The following RABGAP1L variants were observed in gnomAD, a reference collection of about 807,000 sequenced individuals.
The protein encoded by RABGAP1L is RAB GTPase activating protein 1 like.
Under a neutral mutation model 137.7 loss-of-function variants are expected in RABGAP1L, and 63 were observed. The ratio of observed to expected loss-of-function variants is 0.46; its 90% CI spans 0.37 to 0.56. The LOEUF is 0.56. Among genes scored for constraint, RABGAP1L ranks in the 20% least tolerant of loss-of-function variants. The probability of loss-of-function intolerance (pLI) is 0.00; values close to 1 mark genes in which losing one functional copy is unlikely to be tolerated. For synonymous variants in RABGAP1L, 431 were observed against 433.7 expected, an observed-to-expected ratio of 0.99 and a Z score of 0.08; for missense variants, 1,095 against 1,244.0, an observed-to-expected ratio of 0.88 and a Z score of 1.80.
intron 13 of RABGAP1L, among the ~76,000 whole-genome samples, chr1:174,431,322 A>C (rs941161232): frequency 6.6e-6 from 1 of 152,198 alleles, no homozygotes; most frequent in African/African-American, 2.4e-5. Context: ...TGATATAAAA[A>C]ATTTAATTTC....
chr1:174,600,767 G>A (rs1379756155), intron 13 of RABGAP1L, among the ~76,000 whole-genome samples: 3 of 152,202 alleles, frequency 2.0e-5, no homozygotes, highest in Admixed American at 2.0e-4. Flanking sequence ...ACAGGCTGGT[G>A]TTTAGTGTCT....
At chr1:174,332,611 G>C (rs1452233836) in intron 11 of RABGAP1L, among the ~76,000 whole-genome samples, 2 of 152,006 alleles carry the variant, frequency 1.3e-5, no homozygotes, top group African/African-American at 2.4e-5. Context: ...GGCCAGGCTG[G>C]TCTCGTACTC....
At chr1:174,647,137 A>G (rs1169709085) in intron 14 of RABGAP1L, among the ~76,000 whole-genome samples, 2 of 152,088 alleles carry the variant, frequency 1.3e-5, no homozygotes, top group South Asian at 2.1e-4. Context: ...TAAATATATA[A>G]TCATGTCATC....
intron 19 of RABGAP1L, among the ~76,000 whole-genome samples, chr1:174,868,155 C>T (rs1651607186): frequency 6.6e-6 from 1 of 151,808 alleles, no homozygotes; most frequent in Non-Finnish European, 1.5e-5. Flanking sequence ...GATGAGGTTT[C>T]ACCATGTTGG....
At chr1:174,567,996 G>A (rs1225459135) in intron 13 of RABGAP1L, among the ~76,000 whole-genome samples, 2 of 152,090 alleles carry the variant, frequency 1.3e-5, no homozygotes, top group African/African-American at 4.8e-5. Context: ...TGATATAAAG[G>A]AATACCTGAA....
intron 14 of RABGAP1L, among the ~76,000 whole-genome samples, chr1:174,644,286 C>T (rs1051236059): frequency 9.9e-5 from 15 of 151,982 alleles, no homozygotes; most frequent in Non-Finnish European, 2.2e-4. Context: ...GTCTTAGTCC[C>T]TAAGAGCTTT....
At chr1:174,927,205 GGTTAATA>G (rs1487826161) in intron 19 of RABGAP1L, among the ~76,000 whole-genome samples, 1 of 151,994 alleles carries the variant, frequency 6.6e-6, no homozygotes, top group African/African-American at 2.4e-5. Context: ...ATTTATGTTG[GGTTAATA>G]GTTAATAGTC....
chr1:174,837,417 C>T (rs1403690527), intron 19 of RABGAP1L, among the ~76,000 whole-genome samples: 1 of 152,078 alleles, frequency 6.6e-6, no homozygotes, highest in Non-Finnish European at 1.5e-5. Context: ...GTATCTTCTA[C>T]TTGTGTACTC....
chr1:174,491,312 TC>T (rs1189193310), intron 13 of RABGAP1L, among the ~76,000 whole-genome samples: 1 of 151,988 alleles, frequency 6.6e-6, no homozygotes, highest in Non-Finnish European at 1.5e-5. Context: ...ACTGGGTACT[TC>T]CTTTCAAGTC....
intron 13 of RABGAP1L, among the ~76,000 whole-genome samples, chr1:174,498,195 C>G (rs1185064336): frequency 6.6e-6 from 1 of 151,636 alleles, no homozygotes; most frequent in African/African-American, 2.4e-5. Context: ...AGAGTATATT[C>G]AACAAAAGAA....
At chr1:174,758,365 G>T (rs1371306643) in intron 18 of RABGAP1L, among the ~76,000 whole-genome samples, 1 of 151,240 alleles carries the variant, frequency 6.6e-6, no homozygotes, top group Non-Finnish European at 1.5e-5. Context: ...CTTCTCCCTT[G>T]TTGATCTTAT....
chr1:174,675,801 T>C (rs1382410499), intron 14 of RABGAP1L, among the ~76,000 whole-genome samples: 2 of 152,170 alleles, frequency 1.3e-5, no homozygotes, highest in Non-Finnish European at 2.9e-5. Flanking sequence ...CCCCTGTAGC[T>C]CTCATGCTTC....
At chr1:174,244,103 T>C (rs1415384410) in intron 5 of RABGAP1L, among the ~76,000 whole-genome samples, 1 of 152,200 alleles carries the variant, frequency 6.6e-6, no homozygotes, top group Non-Finnish European at 1.5e-5. Context: ...TTACATTTAC[T>C]GGTCATCCGG....
chr1:174,803,777 C>G (rs1573271741), intron 18 of RABGAP1L, among the ~76,000 whole-genome samples: 1 of 147,894 alleles, frequency 6.8e-6, no homozygotes, highest in African/African-American at 2.5e-5. Flanking sequence ...CTACCTCTTT[C>G]AAAAAAAAAA....
chr1:174,811,442 A>G (rs1218196318), intron 18 of RABGAP1L, among the ~76,000 whole-genome samples: 1 of 152,184 alleles, frequency 6.6e-6, no homozygotes, highest in Non-Finnish European at 1.5e-5. Flanking sequence ...CAGCTTTTTA[A>G]TAATATCCTT....
At chr1:174,478,841 A>G (rs1333928320) in intron 13 of RABGAP1L, among the ~76,000 whole-genome samples, 1 of 152,190 alleles carries the variant, frequency 6.6e-6, no homozygotes, top group Non-Finnish European at 1.5e-5. Flanking sequence ...TTCCATCATT[A>G]TCATTAATAT....
In RABGAP1L at chr1:174,376,094, G is replaced by C. The variant is rs573437540; in HGVS notation, c.1559+5022G>C. ...ATAAAGTAGAGTAAAGTAAAGTAAA[G>C]AAAAGGAAAGAAGGAAGGAGAGAAA... On this transcript the variant is annotated intron_variant, in intron 12 of 25. Coordinates refer to ENST00000681986, the MANE Select transcript of RABGAP1L (RefSeq NM_001366446.1). Among the ~76,000 whole-genome samples the C allele has an allele frequency of 1.3e-4, 20 of 149,714 alleles. No homozygotes were observed. The South Asian group carries it at 2.1e-3, about 16-fold the overall frequency.
At chr1:174,646,327 G>T (rs1674965058) in intron 14 of RABGAP1L, among the ~76,000 whole-genome samples, 1 of 152,032 alleles carries the variant, frequency 6.6e-6, no homozygotes, top group Admixed American at 6.6e-5. Context: ...TTTTCTTCTA[G>T]GATTTTTATG....
At chr1:174,335,456 A>G (rs1681397823) in intron 11 of RABGAP1L, among the ~76,000 whole-genome samples, 1 of 152,214 alleles carries the variant, frequency 6.6e-6, no homozygotes, top group South Asian at 2.1e-4. Flanking sequence ...CTATCTTTCA[A>G]ATGCTGTTCA....
Sources: allele counts gnomAD v4.1 joint callset (sites outside exome capture counted in the v4.1 genomes callset), GRCh38; gene constraint gnomAD v4.1.1; transcripts MANE v1.5; gene names NCBI Gene and HGNC (gene_info 2026-07-23, HGNC 2026-07-21).